INPP5D: variants seen among roughly 807,000 people sequenced by gnomAD.
INPP5D encodes the protein phosphatidylinositol 3,4,5-trisphosphate 5-phosphatase 1.
A neutral mutation model predicts 122.9 loss-of-function variants in INPP5D; 33 were observed. The ratio of observed to expected loss-of-function variants is 0.27; its 90% CI spans 0.20 to 0.36. The LOEUF (loss-of-function observed/expected upper bound fraction) is 0.36. Ranked by LOEUF, INPP5D falls within the 10% of genes least tolerant of loss-of-function variation. The pLI is 1.00. For missense variants in INPP5D, 1,053 were observed against 1,412.7 expected (o/e 0.75, Z 4.08); for synonymous variants, 584 against 576.2 (o/e 1.01, Z -0.19).
intron 2 of INPP5D, among the ~76,000 whole-genome samples, chr2:233,091,680 GC>G (rs138274167): frequency 1.6e-4 from 24 of 152,330 alleles, no homozygotes; most frequent in Admixed American, 4.6e-4. Flanking sequence ...CAACCTCGAG[GC>G]CAGCACATGA....
chr2:233,136,687 A>G (rs1693475033), intron 5 of INPP5D, among the ~76,000 whole-genome samples: 1 of 152,202 alleles, frequency 6.6e-6, no homozygotes, highest in African/African-American at 2.4e-5. Context: ...AGCTGGAAAT[A>G]CAGCAGTGAA....
chr2:233,165,476 TTG>T (rs1250510772), intron 13 of INPP5D, among the ~76,000 whole-genome samples: 1 of 145,596 alleles, frequency 6.9e-6, no homozygotes, highest in Non-Finnish European at 1.5e-5. Context: ...ATGCATGTGT[TTG>T]TGAGTGTATT....
chr2:233,127,603 T>C (rs185836256), intron 4 of INPP5D, among the ~76,000 whole-genome samples: 337 of 152,326 alleles, frequency 2.2e-3, no homozygotes, highest in Non-Finnish European at 3.6e-3. Flanking sequence ...GTCAACACTT[T>C]TCTACAACAA....
chr2:233,191,536 G>A (rs1345365843), intron 22 of INPP5D, among the ~76,000 whole-genome samples: 1 of 152,206 alleles, frequency 6.6e-6, no homozygotes, highest in Admixed American at 6.5e-5. Flanking sequence ...AGCATATGAG[G>A]AAGACCAGAA....
intron 2 of INPP5D, 103 bp from the exon 3 acceptor site, chr2:233,122,004 G>GTCA: frequency 7.3e-7 from 1 of 1,361,946 alleles, no homozygotes; most frequent in South Asian, 1.3e-5. Flanking sequence ...CTGGATCGCA[G>GTCA]TCACTCCCTC....
At chr2:233,060,753 T>G (rs1691049938) in intron 1 of INPP5D, 141 bp downstream of exon 1, 2 of 1,215,134 alleles carry the variant, frequency 1.6e-6, no homozygotes, top group Non-Finnish European at 2.3e-6. Context: ...TCATGGACCT[T>G]GTCCTTGGAG....
At position 233,206,633 on chromosome 2, in the gene INPP5D, G is replaced by A; in HGVS notation, c.3568-73G>A. 1 of 736,166 alleles carries A rather than the reference G, an allele frequency of 1.4e-6. No homozygotes were observed. Among genetic ancestry groups the A allele is most frequent in the East Asian group, 2.6e-5 (1 of 38,780 alleles). The allele number at this position is 736,166 out of a possible 1,614,324, so 45.6% of individuals were successfully genotyped here. ...GCCTGGCCTAGCCCACAGCATGCAG[G>A]GACCTGGGCCACTTAGTTCAACATG... On this transcript the variant is annotated intron_variant, in intron 26 of 26. Coordinates refer to ENST00000445964, the MANE Select transcript of INPP5D (RefSeq NM_001017915.3). This position sits in a 1 kb window ranked among gnomAD's most constrained non-coding sequence, Gnocchi z 4.0.
At chr2:233,169,173 C>T (rs1559331287) in intron 13 of INPP5D, 132 bp from the exon 14 acceptor site, 14 of 1,368,188 alleles carry the variant, frequency 1.0e-5, no homozygotes, top group South Asian at 1.4e-5. Flanking sequence ...CCACCCTGCA[C>T]GACCCTGTTT....
chr2:233,098,381 T>C (rs6437094), intron 2 of INPP5D, among the ~76,000 whole-genome samples: 106,930 of 151,798 alleles, frequency 0.7, 37,874 homozygotes, highest in Middle Eastern at 0.8. Context: ...CTGAGCCAGC[T>C]CAACCCACTG....
intron 9 of INPP5D, among the ~76,000 whole-genome samples, chr2:233,154,549 C>T (rs1318376007): frequency 6.6e-6 from 1 of 152,232 alleles, no homozygotes; most frequent in African/African-American, 2.4e-5. Context: ...GAAATTATCA[C>T]CAGACCAACT....
chr2:233,103,615 G>T (rs1692378209), intron 2 of INPP5D, among the ~76,000 whole-genome samples: 1 of 152,118 alleles, frequency 6.6e-6, no homozygotes, highest in African/African-American at 2.4e-5. Context: ...CCACTTCCAG[G>T]GCAAGTCACT....
chr2:233,086,272 G>A (rs1243844345), intron 2 of INPP5D, among the ~76,000 whole-genome samples: 1 of 151,652 alleles, frequency 6.6e-6, no homozygotes, highest in Non-Finnish European at 1.5e-5. Flanking sequence ...TCCGCCTCCT[G>A]GGTTCAAGTG....
intron 14 of INPP5D, chr2:233,169,775 C>A: frequency 1.6e-6 from 1 of 631,298 alleles, no homozygotes; most frequent in African/African-American, 1.8e-5. Flanking sequence ...TGATTCTCTG[C>A]TGAGCAGATG....
chr2:233,102,016 T>C (rs1453779521), intron 2 of INPP5D, among the ~76,000 whole-genome samples: 3 of 151,942 alleles, frequency 2.0e-5, no homozygotes, highest in African/African-American at 7.3e-5. Flanking sequence ...TCTCACTGAC[T>C]GGGAGCCACG....
At position 233,170,730 on chromosome 2, in the gene INPP5D, C is replaced by T. The variant is rs1423569543; in HGVS notation, c.1900+126C>T. ...CATCCTGGCTAACACAGTGAAACCCCGTCTCTACTTAAAAAAATACAAAAA... is the reference window on the plus strand; with the variant it reads ...CATCCTGGCTAACACAGTGAAACCCTGTCTCTACTTAAAAAAATACAAAAA... On this transcript the variant is annotated intron_variant, in intron 16 of 26. Transcript: ENST00000445964. The surrounding 1 kb of genome is among the most constrained non-coding windows in gnomAD (Gnocchi z 4.5). 12 of 1,315,110 alleles carry T rather than the reference C, an allele frequency of 9.1e-6. No individual in the cohort carries two copies. The highest frequency in any genetic ancestry group is 3.0e-5 in the African/African-American group (2 of 66,912). 81.5% of individuals were successfully genotyped at this position (1,315,110 alleles called of 1,614,324 possible).
intron 9 of INPP5D, among the ~76,000 whole-genome samples, chr2:233,148,906 G>A (rs1228768757): frequency 6.6e-6 from 1 of 152,066 alleles, no homozygotes; most frequent in East Asian, 1.9e-4. Flanking sequence ...GGTTAAGGTT[G>A]CCACAATTAG....
chr2:233,075,043 C>A (rs1034782677), intron 1 of INPP5D, among the ~76,000 whole-genome samples: 3 of 147,744 alleles, frequency 2.0e-5, no homozygotes, highest in Non-Finnish European at 2.9e-5. Flanking sequence ...TCAGGGTTGA[C>A]CTGGTCCAGA....
At chr2:233,115,059 G>A (rs937108229) in intron 2 of INPP5D, among the ~76,000 whole-genome samples, 1 of 152,078 alleles carries the variant, frequency 6.6e-6, no homozygotes, top group African/African-American at 2.4e-5. Flanking sequence ...TAGAGATGAG[G>A]TTTCACCATG....
At position 233,158,188 on chromosome 2, in the gene INPP5D, A is replaced by C; in HGVS notation, c.1031-125A>C. 8.4e-6 allele frequency: 5 copies of C among 596,190 alleles called. No homozygotes were observed. The South Asian group carries it at 1.0e-4, about 12-fold the overall frequency. 36.9% of individuals were successfully genotyped at this position (596,190 alleles called of 1,614,324 possible). A position where few individuals can be genotyped will look rare whatever the true frequency, so the allele number is the denominator to read the frequency against. ...TGGAAGCAGAGGGAGCTGGGAGACC[A>C]GACACAAACTCGGGGCTCAGCTTGG... is the stretch of plus-strand genomic sequence containing the variant. On this transcript the variant is annotated intron_variant, in intron 9 of 26. Coordinates refer to ENST00000445964, the MANE Select transcript of INPP5D (RefSeq NM_001017915.3).
Sources: allele counts gnomAD v4.1 joint callset (sites outside exome capture counted in the v4.1 genomes callset), GRCh38; gene constraint gnomAD v4.1.1; non-coding constraint Gnocchi (gnomAD v3.1); transcripts MANE v1.5; gene names NCBI Gene and HGNC (gene_info 2026-07-23, HGNC 2026-07-21).